Variants in SCRN3 observed in about 807,000 individuals in gnomAD.
SCRN3 encodes the protein secernin 3.
SCRN3 carries 39 observed loss-of-function variants against 43.1 expected under a neutral mutation model. That is an observed-to-expected ratio of 0.91 (90% CI 0.70 to 1.18). The LOEUF (loss-of-function observed/expected upper bound fraction) is 1.18. SCRN3 is among the 50% of genes most tolerant of loss of function. SCRN3 has a pLI of 0.00. For missense variants in SCRN3, 484 were observed against 498.0 expected, an observed-to-expected ratio of 0.97 and a Z score of 0.27; for synonymous variants, 147 against 163.1, an observed-to-expected ratio of 0.90 and a Z score of 0.75.
intron 2 of SCRN3, among the ~76,000 whole-genome samples, chr2:174,399,248 A>G (rs776213648): frequency 5.3e-5 from 8 of 152,156 alleles, no homozygotes; most frequent in Non-Finnish European, 1.2e-4. Context: ...TTCTTTTGCT[A>G]AGACCACTTA....
downstream of SCRN3, among the ~76,000 whole-genome samples, chr2:174,429,878 T>C (rs1331987805): frequency 1.3e-5 from 2 of 152,222 alleles, no homozygotes; most frequent in Non-Finnish European, 2.9e-5. Context: ...ATACAGTATG[T>C]GACCTCTTAA....
In SCRN3 at chr2:174,424,608, C is replaced by G. The variant is rs1354926184; in HGVS notation, c.1051C>G (p.Gln351Glu). ...GCCTGACAGAAGACACCCACTCTAC[C>G]AAAAACATCAACAGGCATTGGAAGT... is the stretch of plus-strand genomic sequence containing the variant. ...FKPDRRHPLY[Q>E]KHQQALEVVN... The change falls in exon 7 of 8, where the codon CAA becomes GAA. Residue 351 changes from glutamine to glutamate, a missense_variant. Gln to Glu is a conservative substitution (Grantham distance 29). Transcript: ENST00000272732. The G allele has an allele frequency of 1.2e-6, 2 of 1,612,696 alleles. No homozygotes were observed. Among genetic ancestry groups the G allele is most frequent in the East Asian group, 4.5e-5 (2 of 44,754 alleles).
At chr2:174,427,434 G>A (rs1245811248) in intron 7 of SCRN3, among the ~76,000 whole-genome samples, 1 of 152,010 alleles carries the variant, frequency 6.6e-6, no homozygotes, top group African/African-American at 2.4e-5. Context: ...ATTTTCTATT[G>A]TCCTGTTGTC....
In SCRN3 at chr2:174,406,057, C is replaced by T. The variant is rs1685683374; in HGVS notation, c.754+1742C>T. Among the ~76,000 whole-genome samples the T allele has an allele frequency of 1.4e-5, 2 of 138,754 alleles. 1 individual carries two copies. Among genetic ancestry groups the T allele is most frequent in the South Asian group, 4.5e-4 (2 of 4,412 alleles). 91.0% of individuals were successfully genotyped at this position (138,754 alleles called of 152,430 possible). On this transcript the variant is annotated intron_variant, in intron 5 of 7. Transcript: ENST00000272732. The stretch of plus-strand genomic sequence containing the variant: ...TGTAAATTACCTTGGGCAGTATGGC[C>T]ATTTTCACAATATTGATTCTTCCTA...
intron 5 of SCRN3, among the ~76,000 whole-genome samples, chr2:174,418,684 CTG>C (rs1686195914): frequency 1.3e-5 from 2 of 152,070 alleles, no homozygotes; most frequent in East Asian, 1.9e-4. Flanking sequence ...GGTTCTGACA[CTG>C]TTTTTTATTA....
At chr2:174,413,043 A>AT (rs1210018030) in intron 5 of SCRN3, among the ~76,000 whole-genome samples, 2 of 150,052 alleles carry the variant, frequency 1.3e-5, no homozygotes, top group East Asian at 2.0e-4. Context: ...TAATTTTGTA[A>AT]TTTTTTTTAG....
chr2:174,398,693 G>C (rs1685408171), intron 2 of SCRN3, among the ~76,000 whole-genome samples: 2 of 152,130 alleles, frequency 1.3e-5, no homozygotes. Context: ...TGTTAGATAG[G>C]GCAAGAGATT....
intron 4 of SCRN3, among the ~76,000 whole-genome samples, chr2:174,401,777 A>G (rs1209784106): frequency 3.9e-5 from 6 of 152,208 alleles, no homozygotes; most frequent in Admixed American, 6.5e-5. Context: ...GTGGTAAATG[A>G]AAGACCTAGA....
chr2:174,408,593 G>T (rs1685781881), intron 5 of SCRN3, among the ~76,000 whole-genome samples: 1 of 143,816 alleles, frequency 7.0e-6, no homozygotes, highest in African/African-American at 2.5e-5. Flanking sequence ...GCAGCGGCTG[G>T]TACCGGTTGT....
intron 5 of SCRN3, among the ~76,000 whole-genome samples, chr2:174,414,558 T>A (rs1022308874): frequency 6.6e-6 from 1 of 152,176 alleles, no homozygotes; most frequent in Non-Finnish European, 1.5e-5. Context: ...TCTCATTTTT[T>A]AAAACAGATA....
At chr2:174,403,450 A>G (rs912220973) in intron 4 of SCRN3, among the ~76,000 whole-genome samples, 4 of 152,352 alleles carry the variant, frequency 2.6e-5, no homozygotes, top group Non-Finnish European at 5.9e-5. Context: ...ACCAAAAACT[A>G]GGAACAATTC....
intron 5 of SCRN3, among the ~76,000 whole-genome samples, chr2:174,413,321 C>G (rs1685992639): frequency 6.6e-6 from 1 of 152,134 alleles, no homozygotes; most frequent in African/African-American, 2.4e-5. Flanking sequence ...CCAAAATTCA[C>G]CTAAGAACAA....
chr2:174,397,038 C>A, intron 1 of SCRN3: 1 of 968,698 alleles, frequency 1.0e-6, no homozygotes, highest in Non-Finnish European at 1.2e-6. Flanking sequence ...AGTGATAGAA[C>A]TAACTATAAA....
intron 7 of SCRN3, among the ~76,000 whole-genome samples, chr2:174,426,952 C>T (rs2105636663): frequency 6.6e-6 from 1 of 152,050 alleles, no homozygotes; most frequent in Non-Finnish European, 1.5e-5. Context: ...CCTGCCTCAG[C>T]CTCCCGAGTA....
At position 174,398,347 on chromosome 2, in the gene SCRN3, A is replaced by G. The variant is rs750732159; in HGVS notation, c.64A>G (p.Ile22Val). The change falls in exon 2 of 8, where the codon ATT becomes GTT. Residue 22 changes from isoleucine (I) to valine (V), a missense_variant. Physicochemically the swap from Ile to Val is conservative, Grantham distance 29 (BLOSUM62 3). Coordinates refer to ENST00000272732, the MANE Select transcript of SCRN3 (RefSeq NM_024583.5). The part of the protein sequence containing the change: ...LPPATVDNRI[I>V]FGKNSDRLYD... Reference sequence around the variant, plus strand: ...TCCAGCAACAGTCGATAACAGGATTATTTTTGGAAAAAATTCAGATAGACT... The same window carrying G: ...TCCAGCAACAGTCGATAACAGGATTGTTTTTGGAAAAAATTCAGATAGACT... 6.2e-7 allele frequency: 1 copy of G among 1,607,672 alleles called. No homozygotes were observed. Among genetic ancestry groups the G allele is most frequent in the Non-Finnish European group, 8.5e-7 (1 of 1,177,822 alleles).
At chr2:174,405,645 G>C (rs1378969299) in intron 5 of SCRN3, among the ~76,000 whole-genome samples, 1 of 144,304 alleles carries the variant, frequency 6.9e-6, no homozygotes, top group Non-Finnish European at 1.6e-5. Context: ...TAAGGTGTAA[G>C]GGAGGGATCC....
chr2:174,398,407 G>T lies in SCRN3; in HGVS notation c.124G>T (p.Ala42Ser). ...DEVQEVVYFP[A>S]VVHDNLGERL... ...AGTACAAGAGGTGGTTTATTTTCCTGCTGTAGTTCATGATAACCTGGGAGA... is the reference window on the plus strand; with the variant it reads ...AGTACAAGAGGTGGTTTATTTTCCTTCTGTAGTTCATGATAACCTGGGAGA... The change falls in exon 2 of 8, where the codon GCT becomes TCT. Residue 42 changes from alanine (A) to serine (S), a missense_variant. Ala to Ser is a moderately conservative substitution (Grantham distance 99). Transcript: ENST00000272732. The T allele has an allele frequency of 6.2e-7, 1 of 1,601,608 alleles. No individual in the cohort carries two copies. The highest frequency in any genetic ancestry group is 8.5e-7 in the Non-Finnish European group (1 of 1,176,470).
chr2:174,410,750 A>G (rs1278615784), intron 5 of SCRN3, among the ~76,000 whole-genome samples: 2 of 152,202 alleles, frequency 1.3e-5, no homozygotes, highest in African/African-American at 4.8e-5. Flanking sequence ...TGGCCAGAAG[A>G]CAAACTGAGC....
chr2:174,397,433 C>T lies in SCRN3; in HGVS notation c.-9-842C>T, dbSNP rs763359153. 58 of 838,816 alleles carry T rather than the reference C, an allele frequency of 6.9e-5. No homozygotes were observed. The East Asian group carries it at 7.4e-4, about 11-fold the overall frequency. 52.0% of individuals were successfully genotyped at this position (838,816 alleles called of 1,614,324 possible). ...ATCTAGATATTAAAGTATATAATTG[C>T]GATTTATAAATTAAATATGTGAACT... On this transcript the variant is annotated intron_variant, in intron 1 of 7. Coordinates refer to ENST00000272732, the MANE Select transcript of SCRN3 (RefSeq NM_024583.5).
Sources: gnomAD v4.1 joint callset for allele counts (sites outside exome capture counted in the v4.1 genomes callset) on GRCh38, gnomAD v4.1.1 for gene constraint, MANE v1.5 for transcripts, NCBI Gene and HGNC (gene_info 2026-07-23, HGNC 2026-07-21) for gene names.